PRKN: variants seen among roughly 807,000 people sequenced by gnomAD.
PRKN encodes the protein E3 ubiquitin-protein ligase parkin.
In PRKN, 56 loss-of-function variants were observed where a neutral mutation model predicts 59.5. The observed-to-expected ratio is 0.94, with a 90% CI of 0.76 to 1.18. PRKN has a LOEUF of 1.18. PRKN is among the 50% of genes most tolerant of loss of function. The pLI, the probability that PRKN is intolerant of heterozygous loss-of-function variation, is 0.00. For synonymous variants in PRKN, 250 were observed against 222.1 expected, an observed-to-expected ratio of 1.13 and a Z score of -1.12; for missense variants, 657 against 596.4, an observed-to-expected ratio of 1.10 and a Z score of -1.06.
At chr6:162,348,891 G>T (rs1784511155) in intron 2 of PRKN, among the ~76,000 whole-genome samples, 1 of 152,072 alleles carries the variant, frequency 6.6e-6, no homozygotes, top group African/African-American at 2.4e-5. Context: ...AGAGAGAGAA[G>T]ACATAAATTA....
At chr6:161,659,875 G>C (rs1369043955) in intron 7 of PRKN, among the ~76,000 whole-genome samples, 1 of 152,158 alleles carries the variant, frequency 6.6e-6, no homozygotes, top group African/African-American at 2.4e-5. Flanking sequence ...TGAGATGCTT[G>C]ATACTGAGTC....
intron 4 of PRKN, among the ~76,000 whole-genome samples, chr6:162,147,030 C>CA (rs1221947303): frequency 1.3e-5 from 2 of 149,942 alleles, no homozygotes; most frequent in Non-Finnish European, 3.0e-5. Flanking sequence ...CGTGCCCGGC[C>CA]TTTTTTTATT....
rs912703355 is a variant in PRKN at position 162,671,128 on chromosome 6, G to T, written c.7+56534C>A. On this transcript the variant is annotated intron_variant, in intron 1 of 11. Coordinates refer to ENST00000366898, the MANE Select transcript of PRKN (RefSeq NM_004562.3). ...TGTAACACCAGAAAACCAGTTAATG[G>T]AAGAAGCAGGACTACAATCCCGTCT... Among the ~76,000 whole-genome samples, 6 of 152,184 alleles carry T rather than the reference G, an allele frequency of 3.9e-5. No individual in the cohort carries two copies. In the East Asian group the frequency reaches 1.2e-3, roughly 29 times the overall value.
chr6:162,716,761 C>T (rs4489133), intron 1 of PRKN, among the ~76,000 whole-genome samples: 13,031 of 145,400 alleles, frequency 0.09, 705 homozygotes, highest in Middle Eastern at 0.19. Flanking sequence ...CCCGCCTGCG[C>T]GCGCGCGCAC....
intron 7 of PRKN, among the ~76,000 whole-genome samples, chr6:161,720,766 ATT>A (rs5881428): frequency 0.031 from 4,066 of 132,168 alleles, 80 homozygotes; most frequent in Admixed American, 0.077. Flanking sequence ...TTTTAAAACT[ATT>A]TTTTTTTTTT....
At chr6:161,415,818 C>A (rs1281927152) in intron 9 of PRKN, among the ~76,000 whole-genome samples, 1 of 151,774 alleles carries the variant, frequency 6.6e-6, no homozygotes, top group South Asian at 2.1e-4. Context: ...GGGGTCCTCA[C>A]CAGGCCTCCC....
chr6:162,009,892 C>G (rs1159663381), intron 5 of PRKN, among the ~76,000 whole-genome samples: 1 of 151,320 alleles, frequency 6.6e-6, no homozygotes, highest in Non-Finnish European at 1.5e-5. Flanking sequence ...GCCAAGATCC[C>G]ACCACTGCAC....
intron 1 of PRKN, among the ~76,000 whole-genome samples, chr6:162,657,793 T>G (rs1184598486): frequency 6.6e-6 from 1 of 152,094 alleles, no homozygotes; most frequent in Non-Finnish European, 1.5e-5. Flanking sequence ...TATGGTCTGG[T>G]GTCAGAATAT....
chr6:161,697,575 C>G (rs1786075181), intron 7 of PRKN, among the ~76,000 whole-genome samples: 1 of 152,158 alleles, frequency 6.6e-6, no homozygotes, highest in South Asian at 2.1e-4. Context: ...ATTTGCTCCT[C>G]TGAACTGATA....
chr6:161,995,564 A>T (rs1781810277), intron 5 of PRKN, among the ~76,000 whole-genome samples: 1 of 152,134 alleles, frequency 6.6e-6, no homozygotes, highest in Admixed American at 6.6e-5. Context: ...CAAAAGCAAA[A>T]ATACAAATAA....
chr6:162,448,792 C>G (rs924003495), intron 1 of PRKN, among the ~76,000 whole-genome samples: 3 of 148,854 alleles, frequency 2.0e-5, no homozygotes, highest in African/African-American at 7.5e-5. Context: ...CTCCCTGGAC[C>G]TTTCTTTCTC....
chr6:162,224,111 C>T (rs908908704), intron 3 of PRKN, among the ~76,000 whole-genome samples: 1 of 151,994 alleles, frequency 6.6e-6, no homozygotes, highest in South Asian at 2.1e-4. Flanking sequence ...TTTCTTATCT[C>T]TTAACGATAT....
chr6:162,173,007 A>G (rs1045408359), intron 4 of PRKN, among the ~76,000 whole-genome samples: 11 of 152,180 alleles, frequency 7.2e-5, no homozygotes, highest in Admixed American at 4.6e-4. Context: ...GCCCCTGAAG[A>G]CACCCTGGGG....
In PRKN at chr6:162,218,164, A is replaced by C. The variant is rs191762230; in HGVS notation, c.413-16912T>G. On this transcript the variant is annotated intron_variant, in intron 3 of 11. Coordinates refer to ENST00000366898, the MANE Select transcript of PRKN (RefSeq NM_004562.3). ...TCTCTGGGAGCACTTGCTGGGGAGC[A>C]GCGTGATGGAGGTGCTTTCCAGAAG... Among the ~76,000 whole-genome samples the C allele has an allele frequency of 2.3e-3, 353 of 152,300 alleles. 1 individual carries two copies. Among genetic ancestry groups the C allele is most frequent in the African/African-American group, 8.3e-3 (345 of 41,568 alleles).
At chr6:162,561,070 G>A (rs1417082245) in intron 1 of PRKN, among the ~76,000 whole-genome samples, 8 of 152,142 alleles carry the variant, frequency 5.3e-5, no homozygotes, top group Non-Finnish European at 1.0e-4. Context: ...CAAAGGAGCA[G>A]GGCGACGGGG....
chr6:162,264,000 G>T lies in PRKN; in HGVS notation c.172-1235C>A, dbSNP rs144214970. On this transcript the variant is annotated intron_variant, in intron 2 of 11. Coordinates refer to ENST00000366898, the MANE Select transcript of PRKN (RefSeq NM_004562.3). ...TCTCAGTAAATCGATGTGGCCGGCC[G>T]CAGTGGCTCACACCTGTAATCCCAG... is the stretch of plus-strand genomic sequence containing the variant. Among the ~76,000 whole-genome samples the T allele has an allele frequency of 5.9e-4, 89 of 152,120 alleles. No individual in the cohort carries two copies. The East Asian group carries it at 0.011, about 19-fold the overall frequency.
At position 162,210,484 on chromosome 6, in the gene PRKN, C is replaced by T. The variant is rs150181482; in HGVS notation, c.413-9232G>A. Among the ~76,000 whole-genome samples the T allele has an allele frequency of 3.2e-3, 484 of 152,266 alleles. 2 individuals are homozygous for T. The highest frequency in any genetic ancestry group is 0.011 in the African/African-American group (451 of 41,548). On this transcript the variant is annotated intron_variant, in intron 3 of 11. Coordinates refer to ENST00000366898, the MANE Select transcript of PRKN (RefSeq NM_004562.3). ...CCTACTTCCTCAGGTGGCTACTTTC[C>T]TGTTTAATAAATGTTGATTCTTAGA... is the stretch of plus-strand genomic sequence containing the variant.
At chr6:161,917,207 G>A (rs1422318510) in intron 6 of PRKN, among the ~76,000 whole-genome samples, 1 of 150,022 alleles carries the variant, frequency 6.7e-6, no homozygotes, top group South Asian at 2.1e-4. Context: ...CAGGGCTCAA[G>A]TAATTCTCCT....
At chr6:161,532,520 C>T (rs1226856038) in intron 9 of PRKN, among the ~76,000 whole-genome samples, 3 of 151,830 alleles carry the variant, frequency 2.0e-5, no homozygotes, top group Non-Finnish European at 4.4e-5. Context: ...GGCTGTGATT[C>T]CCAGTGTACT....
Sources: gnomAD v4.1 joint callset for allele counts (sites outside exome capture counted in the v4.1 genomes callset) on GRCh38, gnomAD v4.1.1 for gene constraint, MANE v1.5 for transcripts, NCBI Gene and HGNC (gene_info 2026-07-23, HGNC 2026-07-21) for gene names.